Variants in SNX14 observed in about 807,000 individuals in gnomAD.
SNX14 encodes the protein sorting nexin 14.
In SNX14, 93 loss-of-function variants were observed where a neutral mutation model predicts 133.8. That is an observed-to-expected ratio of 0.70 (90% CI 0.59 to 0.83). The LOEUF (loss-of-function observed/expected upper bound fraction) is 0.83, where lower values mean the gene tolerates loss of function less well. Among genes scored for constraint, SNX14 ranks in the 40% least tolerant of loss-of-function variants. The pLI, the probability that SNX14 is intolerant of heterozygous loss-of-function variation, is 0.00. For missense variants in SNX14, 945 were observed against 1,094.9 expected (o/e 0.86, Z 1.93); for synonymous variants, 368 against 365.6 (o/e 1.01, Z -0.07).
At chr6:85,555,975 C>A (rs1022844495) in intron 7 of SNX14, among the ~76,000 whole-genome samples, 2 of 150,288 alleles carry the variant, frequency 1.3e-5, no homozygotes, top group African/African-American at 2.5e-5. Flanking sequence ...GCAACTAGAG[C>A]GAAACTGCGT....
intron 21 of SNX14, among the ~76,000 whole-genome samples, chr6:85,519,005 CA>C (rs1365340639): frequency 2.0e-5 from 3 of 152,206 alleles, no homozygotes; most frequent in Non-Finnish European, 4.4e-5. Flanking sequence ...TCAGTAAGTT[CA>C]AAACTGCTCT....
intron 7 of SNX14, among the ~76,000 whole-genome samples, chr6:85,550,787 TC>T (rs1483217718): frequency 6.6e-6 from 1 of 151,292 alleles, no homozygotes. Context: ...GCCTCAAAAT[TC>T]TTTTTTTTTT....
rs1485801821 is a variant in SNX14, at chr6:85,514,201, T to C, written c.2426A>G (p.His809Arg). The C allele has an allele frequency of 1.2e-6, 2 of 1,613,674 alleles. No individual in the cohort carries two copies. Among genetic ancestry groups the C allele is most frequent in the Non-Finnish European group, 1.7e-6 (2 of 1,179,838 alleles). ...GATTCGAGTTCCCATTAAGAGATGA[T>C]GAAGCCAGTCAGGAACCTGGAAAAC... ...RVVFQVPDWL[H>R]HLLMGTRILF... The change falls in exon 25 of 29, where the codon CAT becomes CGT. Residue 809 changes from histidine (H) to arginine (R), a missense_variant. Physicochemically the swap from His to Arg is conservative, Grantham distance 29. Coordinates refer to ENST00000314673, the MANE Select transcript of SNX14 (RefSeq NM_153816.6).
At chr6:85,557,659 G>A (rs1299368973) in intron 7 of SNX14, among the ~76,000 whole-genome samples, 1 of 152,072 alleles carries the variant, frequency 6.6e-6, no homozygotes, top group Non-Finnish European at 1.5e-5. Context: ...ATAAAGGATG[G>A]GCTAGAATAG....
At chr6:85,557,951 A>C in intron 7 of SNX14, 25 bp downstream of exon 7, 6 of 1,399,210 alleles carry the variant, frequency 4.3e-6, no homozygotes, top group Non-Finnish European at 6.0e-6. Context: ...AAAATTACTC[A>C]AACTGTAGTA....
At chr6:85,512,822 G>A (rs879634330) in intron 26 of SNX14, among the ~76,000 whole-genome samples, 3 of 152,074 alleles carry the variant, frequency 2.0e-5, no homozygotes, top group East Asian at 1.9e-4. Flanking sequence ...TCCAACCTTG[G>A]GGGGCAGTGG....
At chr6:85,512,080 A>C (rs902090132) in intron 26 of SNX14, among the ~76,000 whole-genome samples, 1 of 152,046 alleles carries the variant, frequency 6.6e-6, no homozygotes, top group African/African-American at 2.4e-5. Flanking sequence ...AGTGTATTGG[A>C]GTTGGGTATT....
chr6:85,535,833 GTCA>G (rs1781794288), intron 17 of SNX14, among the ~76,000 whole-genome samples: 1 of 151,956 alleles, frequency 6.6e-6, no homozygotes. Flanking sequence ...CTCCTTCTTG[GTCA>G]TCATCAATCC....
intron 4 of SNX14, chr6:85,568,599 A>C (rs561456561): frequency 1.3e-5 from 2 of 152,280 alleles, no homozygotes; most frequent in South Asian, 4.1e-4. Context: ...GTATGTCATA[A>C]TTTTTACAAG....
chr6:85,561,486 T>C (rs1293249956), intron 6 of SNX14: 1 of 152,244 alleles, frequency 6.6e-6, no homozygotes, highest in African/African-American at 2.4e-5. Flanking sequence ...ATAACTTAAA[T>C]GGTTTGTCAT....
intron 20 of SNX14, among the ~76,000 whole-genome samples, chr6:85,527,594 T>C (rs1029001923): frequency 4.6e-5 from 7 of 152,060 alleles, no homozygotes; most frequent in East Asian, 1.9e-4. Flanking sequence ...TTTTAACAAA[T>C]TGAAAGTATC....
Position 85,543,717 on chromosome 6 carries a change from A to G in SNX14, c.1152T>C (p.Asp384=). ...ATTCTTCATGAAGAGACAGCATTTC[A>G]TCATTTGATAATTCTGGTCGTAAAA... The part of the protein sequence containing the change: ...DRILRPELSN[D]EMLSLHEELQ... The change falls in exon 13 of 29, where the codon GAT becomes GAC. Residue 384 remains aspartate (D), a synonymous_variant. Transcript: ENST00000314673. The G allele has an allele frequency of 6.3e-7, 1 of 1,579,698 alleles. No homozygotes were observed. Among genetic ancestry groups the G allele is most frequent in the Non-Finnish European group, 8.6e-7 (1 of 1,161,576 alleles).
intron 6 of SNX14, among the ~76,000 whole-genome samples, chr6:85,562,351 C>T (rs576282613): frequency 6.6e-6 from 1 of 152,156 alleles, no homozygotes; most frequent in Non-Finnish European, 1.5e-5. Context: ...AACTCATTTG[C>T]ATTCCCACCA....
At chr6:85,569,321 G>A (rs1049704155) in intron 4 of SNX14, among the ~76,000 whole-genome samples, 1 of 152,104 alleles carries the variant, frequency 6.6e-6, no homozygotes, top group Non-Finnish European at 1.5e-5. Flanking sequence ...CTGCTTCCAA[G>A]CTCACTCCCT....
At chr6:85,588,820 A>G in intron 1 of SNX14, 1 of 453,156 alleles carries the variant, frequency 2.2e-6, no homozygotes. Context: ...AGAGAAAACA[A>G]CATGCTATTA....
At chr6:85,547,960 T>C (rs1786278469) in intron 9 of SNX14, among the ~76,000 whole-genome samples, 1 of 152,208 alleles carries the variant, frequency 6.6e-6, no homozygotes, top group Non-Finnish European at 1.5e-5. Flanking sequence ...TGGATGAACC[T>C]TGAAGACACT....
intron 21 of SNX14, among the ~76,000 whole-genome samples, chr6:85,519,854 T>G (rs930131834): frequency 1.3e-5 from 2 of 151,674 alleles, no homozygotes; most frequent in African/African-American, 4.8e-5. Flanking sequence ...GGTGACAGAG[T>G]GAGACTCCGT....
chr6:85,551,640 T>G (rs2128113088), intron 7 of SNX14, among the ~76,000 whole-genome samples: 1 of 152,340 alleles, frequency 6.6e-6, no homozygotes, highest in East Asian at 1.9e-4. Context: ...TGTTTCACAC[T>G]GAAGGCTATG....
At chr6:85,506,771 CT>C (rs1770866389) in intron 28 of SNX14, among the ~76,000 whole-genome samples, 1 of 152,086 alleles carries the variant, frequency 6.6e-6, no homozygotes, top group Non-Finnish European at 1.5e-5. Flanking sequence ...TGACTTAAAC[CT>C]TTGCTCAAAA....
Sources: allele counts gnomAD v4.1 joint callset (sites outside exome capture counted in the v4.1 genomes callset), GRCh38; gene constraint gnomAD v4.1.1; transcripts MANE v1.5; gene names NCBI Gene and HGNC (gene_info 2026-07-23, HGNC 2026-07-21).